The following SGPP2 variants were observed in gnomAD, a reference collection of about 807,000 sequenced individuals.
The protein encoded by SGPP2 is sphingosine 1-phosphate phosphohydrolase 2.
SGPP2 carries 30 observed loss-of-function variants against 33.9 expected under a neutral mutation model. The observed-to-expected ratio is 0.89, with a 90% CI of 0.66 to 1.20. The LOEUF is 1.20. SGPP2 is among the 50% of genes most tolerant of loss of function. The pLI, the probability that SGPP2 is intolerant of heterozygous loss-of-function variation, is 0.00. For synonymous variants in SGPP2, 233 were observed against 225.0 expected (o/e 1.04, Z -0.32); for missense variants, 458 against 532.1 (o/e 0.86, Z 1.37).
chr2:222,424,707 C>T lies in SGPP2; in HGVS notation c.105C>T (p.Gly35=). Residue 35 remains glycine, a synonymous_variant, in exon 1 of 5, where the codon GGC becomes GGT. Coordinates refer to ENST00000321276, the MANE Select transcript of SGPP2 (RefSeq NM_152386.4). ...CGGATGAAGGCCCCCGGGAGAACGG[C>T]GCGGACCCCACGGAGCGCGCGGCGC... The part of the protein sequence containing the change: ...PAPDEGPREN[G]ADPTERAARV... 6.9e-7 allele frequency: 1 copy of T among 1,447,114 alleles called. No individual in the cohort carries two copies. The highest frequency in any genetic ancestry group is 9.1e-7 in the Non-Finnish European group (1 of 1,102,044). The allele number at this position is 1,447,114 out of a possible 1,614,324, so 89.6% of individuals were successfully genotyped here.
At chr2:222,454,733 TA>T (rs78696026) in intron 1 of SGPP2, among the ~76,000 whole-genome samples, 2,209 of 117,842 alleles carry the variant, frequency 0.019, 35 homozygotes, top group African/African-American at 0.056. Context: ...GTGGAGCTGT[TA>T]AAAAAAAAAA....
intron 4 of SGPP2, among the ~76,000 whole-genome samples, chr2:222,552,860 C>A (rs998601435): frequency 2.0e-5 from 3 of 151,528 alleles, no homozygotes; most frequent in Non-Finnish European, 2.9e-5. Context: ...AACTCCATCT[C>A]AAACAAACAA....
intron 2 of SGPP2, among the ~76,000 whole-genome samples, chr2:222,497,275 C>T (rs760514012): frequency 7.1e-5 from 8 of 112,568 alleles, no homozygotes; most frequent in South Asian, 3.1e-4. Context: ...TTTTTTTAGA[C>T]GGAGTCTTGC....
chr2:222,490,212 A>G (rs1484371222), intron 2 of SGPP2, among the ~76,000 whole-genome samples: 6 of 152,124 alleles, frequency 3.9e-5, no homozygotes, highest in Non-Finnish European at 7.3e-5. Context: ...TGTCACCTTT[A>G]AGATTAAAAT....
Position 222,495,449 on chromosome 2 carries a change from C to A in SGPP2, c.378+20723C>A, listed in dbSNP as rs184519174. 4.1e-3 allele frequency among the ~76,000 whole-genome samples: 629 copies of A among 152,104 alleles called. 1 individual carries two copies. Among genetic ancestry groups the A allele is most frequent in the African/African-American group, 0.014 (595 of 41,492 alleles). ...AAATTAAAAAAAAATCTATCTGCAC[C>A]GAAGTCCTTTTATATTCAAATTTTC... On this transcript the variant is annotated intron_variant, in intron 2 of 4. Coordinates refer to ENST00000321276, the MANE Select transcript of SGPP2 (RefSeq NM_152386.4).
intron 1 of SGPP2, among the ~76,000 whole-genome samples, chr2:222,446,174 G>T (rs1473797209): frequency 1.3e-5 from 2 of 152,138 alleles, no homozygotes; most frequent in African/African-American, 4.8e-5. Flanking sequence ...GAGTGTTGAT[G>T]ATGAGGGAGC....
At chr2:222,497,259 T>TG (rs1371859960) in intron 2 of SGPP2, among the ~76,000 whole-genome samples, 11 of 149,260 alleles carry the variant, frequency 7.4e-5, no homozygotes, top group Admixed American at 5.3e-4. Flanking sequence ...TCTTTTTTTT[T>TG]TTTTTTTTTT....
At chr2:222,526,780 A>G (rs1698764808) in intron 4 of SGPP2, among the ~76,000 whole-genome samples, 1 of 152,178 alleles carries the variant, frequency 6.6e-6, no homozygotes, top group Admixed American at 6.5e-5. Flanking sequence ...ACCTAACACC[A>G]CATGTTCTCA....
At chr2:222,525,675 T>C (rs1489323062) in intron 4 of SGPP2, among the ~76,000 whole-genome samples, 2 of 152,182 alleles carry the variant, frequency 1.3e-5, no homozygotes, top group Non-Finnish European at 2.9e-5. Context: ...TTCCAGAGCA[T>C]AAGGCTGGCC....
chr2:222,425,830 A>T (rs904383176), intron 1 of SGPP2, among the ~76,000 whole-genome samples: 1 of 152,240 alleles, frequency 6.6e-6, no homozygotes, highest in Non-Finnish European at 1.5e-5. Flanking sequence ...CTGAGGAATT[A>T]CGAAGAACCT....
intron 4 of SGPP2, among the ~76,000 whole-genome samples, chr2:222,555,388 A>T (rs1452718209): frequency 6.8e-6 from 1 of 146,844 alleles, no homozygotes; most frequent in African/African-American, 2.5e-5. Flanking sequence ...GGATATTTTC[A>T]TATATTTAAA....
At chr2:222,552,785 G>A (rs1055407117) in intron 4 of SGPP2, among the ~76,000 whole-genome samples, 50 of 152,072 alleles carry the variant, frequency 3.3e-4, no homozygotes, top group African/African-American at 1.1e-3. Flanking sequence ...ACTTGAACCC[G>A]GGAGGCAGAG....
At chr2:222,434,122 A>G (rs1268336791) in intron 1 of SGPP2, among the ~76,000 whole-genome samples, 4 of 152,136 alleles carry the variant, frequency 2.6e-5, no homozygotes, top group Non-Finnish European at 5.9e-5. Context: ...ACGCATCAAG[A>G]GTGTTCCTGT....
chr2:222,499,929 T>G (rs910406546), intron 2 of SGPP2, among the ~76,000 whole-genome samples: 1 of 152,150 alleles, frequency 6.6e-6, no homozygotes, highest in Non-Finnish European at 1.5e-5. Flanking sequence ...GGACTGGAAC[T>G]TACAACGTTA....
chr2:222,425,765 G>A (rs763884566), intron 1 of SGPP2, among the ~76,000 whole-genome samples: 2 of 152,198 alleles, frequency 1.3e-5, no homozygotes, highest in African/African-American at 2.4e-5. Flanking sequence ...TTCCTAGAAG[G>A]TTTTGGTGAA....
chr2:222,514,736 AG>A (rs1002692350), intron 2 of SGPP2, among the ~76,000 whole-genome samples: 22 of 152,318 alleles, frequency 1.4e-4, no homozygotes, highest in African/African-American at 4.3e-4. Flanking sequence ...GTTTTCATAG[AG>A]TGGCACTGTC....
chr2:222,437,078 TA>T (rs1397941137), intron 1 of SGPP2, among the ~76,000 whole-genome samples: 1 of 152,168 alleles, frequency 6.6e-6, no homozygotes, highest in Non-Finnish European at 1.5e-5. Flanking sequence ...ACTTGATTAA[TA>T]AAATCCTCCT....
intron 2 of SGPP2, among the ~76,000 whole-genome samples, chr2:222,502,381 A>G (rs1698380883): frequency 6.6e-6 from 1 of 152,172 alleles, no homozygotes; most frequent in Non-Finnish European, 1.5e-5. Flanking sequence ...CTCCATACAA[A>G]TTGAGTATCC....
At chr2:222,490,895 T>A (rs1698187399) in intron 2 of SGPP2, among the ~76,000 whole-genome samples, 1 of 152,188 alleles carries the variant, frequency 6.6e-6, no homozygotes, top group East Asian at 1.9e-4. Context: ...AGTTTTTTGG[T>A]TCGTCTTGTA....
Sources: gnomAD v4.1 joint callset for allele counts (sites outside exome capture counted in the v4.1 genomes callset) on GRCh38, gnomAD v4.1.1 for gene constraint, MANE v1.5 for transcripts, NCBI Gene and HGNC (gene_info 2026-07-23, HGNC 2026-07-21) for gene names.